The following FERRY3 variants were observed in gnomAD, a reference collection of about 807,000 sequenced individuals.
FERRY3 encodes FERRY endosomal RAB5 effector complex subunit 3, also known as protein C12orf4.
At chr12:4,505,295 G>A in the FERRY3 span, 2 of 1,519,544 alleles carry the variant, frequency 1.3e-6, no homozygotes, top group Admixed American at 1.7e-5. Context: ...AAAATAAAAA[G>A]AAATACTTAC....
chr12:4,523,385 T>C, the FERRY3 span, among the ~76,000 whole-genome samples: 1 of 152,242 alleles, frequency 6.6e-6, no homozygotes, highest in African/African-American at 2.4e-5. Flanking sequence ...GTTCAACCAT[T>C]GTGGAAGACA....
the FERRY3 span, chr12:4,525,071 GC>G: frequency 1.6e-4 from 103 of 643,406 alleles, no homozygotes; most frequent in African/African-American, 1.5e-3. Flanking sequence ...AATAACCATT[GC>G]CCCCCAAATA....
chr12:4,530,086 T>C, the FERRY3 span: 2 of 1,566,732 alleles, frequency 1.3e-6, no homozygotes, highest in Non-Finnish European at 1.7e-6. Flanking sequence ...TAAATCATGA[T>C]CTAGTATTTT....
chr12:4,508,441 T>C, the FERRY3 span, among the ~76,000 whole-genome samples: 2 of 152,292 alleles, frequency 1.3e-5, no homozygotes, highest in South Asian at 4.1e-4. Context: ...TATCAGGTTT[T>C]TATAAGAAAT....
the FERRY3 span, among the ~76,000 whole-genome samples, chr12:4,495,477 G>T: frequency 6.6e-6 from 1 of 152,136 alleles, no homozygotes; most frequent in Non-Finnish European, 1.5e-5. Flanking sequence ...TCAGGCTAAG[G>T]TCAAGTCTAA....
the FERRY3 span, among the ~76,000 whole-genome samples, chr12:4,520,048 A>G: frequency 5.3e-5 from 8 of 152,232 alleles, no homozygotes; most frequent in Non-Finnish European, 8.8e-5. Context: ...AGGACACATA[A>G]GGAGTTTCAT....
the FERRY3 span, among the ~76,000 whole-genome samples, chr12:4,523,918 C>T: frequency 6.6e-6 from 1 of 151,936 alleles, no homozygotes; most frequent in East Asian, 1.9e-4. Flanking sequence ...TGTAACAAAC[C>T]TGCACGTTGT....
chr12:4,490,092 A>C, the FERRY3 span, among the ~76,000 whole-genome samples: 3 of 152,146 alleles, frequency 2.0e-5, no homozygotes, highest in African/African-American at 4.8e-5. Context: ...ATCTTCTGAG[A>C]ACTTATGTCA....
At chr12:4,522,427 A>ATGTT in the FERRY3 span, among the ~76,000 whole-genome samples, 5 of 152,220 alleles carry the variant, frequency 3.3e-5, no homozygotes, top group Non-Finnish European at 5.9e-5. Flanking sequence ...ACATGAAAAA[A>ATGTT]TGTTAACATA....
At chr12:4,499,333 A>C in the FERRY3 span, among the ~76,000 whole-genome samples, 3 of 152,186 alleles carry the variant, frequency 2.0e-5, no homozygotes, top group African/African-American at 7.2e-5. Flanking sequence ...CAAAATAAGC[A>C]GGCACAGAGT....
At chr12:4,534,182 C>T in the FERRY3 span, 3 of 1,610,222 alleles carry the variant, frequency 1.9e-6, no homozygotes, top group South Asian at 2.2e-5. Context: ...GGCCCATGTA[C>T]TCGCCAGCTG....
At chr12:4,494,360 G>A in the FERRY3 span, among the ~76,000 whole-genome samples, 121 of 152,140 alleles carry the variant, frequency 8.0e-4, no homozygotes, top group African/African-American at 2.5e-3. Context: ...TATTACGTTC[G>A]TCTTTTATGG....
the FERRY3 span, chr12:4,500,256 C>A: frequency 6.2e-7 from 1 of 1,613,962 alleles, no homozygotes; most frequent in Non-Finnish European, 8.5e-7. Context: ...AGTGATGTTT[C>A]CCGATTTCAC....
the FERRY3 span, among the ~76,000 whole-genome samples, chr12:4,523,804 C>T: frequency 2.0e-5 from 3 of 151,934 alleles, no homozygotes; most frequent in East Asian, 1.9e-4. Flanking sequence ...CACCAGGACC[C>T]GTCGTGGGGT....
chr12:4,519,758 C>T, the FERRY3 span, among the ~76,000 whole-genome samples: 3 of 152,292 alleles, frequency 2.0e-5, no homozygotes, highest in Admixed American at 2.0e-4. The surrounding 1 kb of genome is among the most constrained non-coding windows in gnomAD (Gnocchi z 4.3). Context: ...ATCCGCTCAG[C>T]GGCAGCATTA....
chr12:4,511,854 T>G, the FERRY3 span, among the ~76,000 whole-genome samples: 4 of 122,334 alleles, frequency 3.3e-5, no homozygotes, highest in Admixed American at 8.0e-5. Context: ...GCAAACACAT[T>G]CAAAAGCTAG....
the FERRY3 span, among the ~76,000 whole-genome samples, chr12:4,503,429 C>T: frequency 1.4e-3 from 218 of 152,228 alleles, no homozygotes; most frequent in Non-Finnish European, 2.4e-3. Flanking sequence ...AATTAGATGA[C>T]ATAAACTGTA....
chr12:4,513,530 T>C, the FERRY3 span, among the ~76,000 whole-genome samples: 13 of 150,958 alleles, frequency 8.6e-5, no homozygotes, highest in Non-Finnish European at 1.6e-4. Flanking sequence ...AGCATGGTAC[T>C]GGTACCAAAA....
the FERRY3 span, chr12:4,530,157 G>T: frequency 1.1e-6 from 1 of 950,312 alleles, no homozygotes. Context: ...ATGACAGAAA[G>T]ACCCTCTTAT....
Sources: gnomAD v4.1 joint callset for allele counts (sites outside exome capture counted in the v4.1 genomes callset) on GRCh38, gnomAD v4.1.1 for gene constraint, Gnocchi (gnomAD v3.1) non-coding constraint, MANE v1.5 for transcripts, NCBI Gene and HGNC (gene_info 2026-07-23, HGNC 2026-07-21) for gene names.